Variants in NUP98 observed in about 807,000 individuals in gnomAD.
NUP98 encodes nuclear pore complex protein Nup98-Nup96.
Under a neutral mutation model 191.9 loss-of-function variants are expected in NUP98, and 26 were observed. The ratio of observed to expected loss-of-function variants is 0.14; its 90% confidence interval spans 0.10 to 0.19. The LOEUF (loss-of-function observed/expected upper bound fraction) is 0.19, where lower values mean the gene tolerates loss of function less well. Ranked by LOEUF, NUP98 falls within the 10% of genes least tolerant of loss-of-function variation. The pLI is 1.00. For synonymous variants in NUP98, 808 were observed against 778.4 expected, an observed-to-expected ratio of 1.04 and a Z score of -0.63; for missense variants, 1,941 against 2,178.8, an observed-to-expected ratio of 0.89 and a Z score of 2.17.
intron 1 of NUP98, among the ~76,000 whole-genome samples, chr11:3,784,716 T>G (rs1409089330): frequency 1.3e-5 from 2 of 152,098 alleles, no homozygotes; most frequent in African/African-American, 4.8e-5. Flanking sequence ...ATGGTGCCAC[T>G]GCACTCCAGC....
chr11:3,776,801 A>AC (rs1554903002), intron 4 of NUP98, among the ~76,000 whole-genome samples: 1 of 152,054 alleles, frequency 6.6e-6, no homozygotes, highest in East Asian at 1.9e-4. Context: ...CCAAATAGAA[A>AC]TTCATACAGA....
At chr11:3,708,081 A>G (rs944636604) in intron 20 of NUP98, among the ~76,000 whole-genome samples, 1 of 152,198 alleles carries the variant, frequency 6.6e-6, no homozygotes, top group Admixed American at 6.5e-5. Flanking sequence ...AGCCTGGGTG[A>G]GAGTTAAACT....
chr11:3,784,814 T>C (rs568372480), intron 1 of NUP98, among the ~76,000 whole-genome samples: 241 of 152,070 alleles, frequency 1.6e-3, no homozygotes, highest in African/African-American at 5.0e-3. Context: ...TACAGACATT[T>C]GCATTCAGAA....
At chr11:3,742,382 A>T (rs1422929941) in intron 12 of NUP98, among the ~76,000 whole-genome samples, 1 of 152,178 alleles carries the variant, frequency 6.6e-6, no homozygotes, top group African/African-American at 2.4e-5. Flanking sequence ...CAGGACAGAA[A>T]ATATTATCAA....
intron 8 of NUP98, among the ~76,000 whole-genome samples, chr11:3,766,741 G>T (rs996166991): frequency 3.4e-5 from 5 of 147,822 alleles, no homozygotes; most frequent in Non-Finnish European, 6.0e-5. Context: ...CCAACTTGTT[G>T]TTTTTCAAGA....
intron 25 of NUP98, among the ~76,000 whole-genome samples, chr11:3,697,914 T>C (rs1344285897): frequency 6.6e-6 from 1 of 150,862 alleles, no homozygotes; most frequent in South Asian, 2.1e-4. Flanking sequence ...CTTAAAGAAG[T>C]AAATATATGC....
At chr11:3,694,571 T>A (rs1805504853) in intron 26 of NUP98, among the ~76,000 whole-genome samples, 1 of 151,318 alleles carries the variant, frequency 6.6e-6, no homozygotes, top group Non-Finnish European at 1.5e-5. Context: ...AAACCCTGTC[T>A]CTACTTAAAA....
chr11:3,688,843 T>TATA (rs2078216309), intron 28 of NUP98, among the ~76,000 whole-genome samples: 1 of 109,786 alleles, frequency 9.1e-6, no homozygotes, highest in Non-Finnish European at 2.0e-5. Flanking sequence ...ATATATATAT[T>TATA]TATAAGAAAT....
At chr11:3,727,633 GGGGGGATTGCTT>G (rs2079671486) in intron 14 of NUP98, among the ~76,000 whole-genome samples, 1 of 152,124 alleles carries the variant, frequency 6.6e-6, no homozygotes, top group Non-Finnish European at 1.5e-5. Flanking sequence ...AGGCCAAGGT[GGGGGGATTGCTT>G]GAGCCCAGGA....
At chr11:3,762,402 G>A (rs1309836390) in intron 9 of NUP98, among the ~76,000 whole-genome samples, 4 of 151,870 alleles carry the variant, frequency 2.6e-5, no homozygotes, top group African/African-American at 9.7e-5. Flanking sequence ...GATTACAGGC[G>A]TGAGCCACCG....
At position 3,681,611 on chromosome 11, in the gene NUP98, A is replaced by AT. The variant is rs140225747; in HGVS notation, c.4918+1588dup. ...AATGAGCAGTAATATTTTGAAAGAA[A>AT]TTTTTTTTTTTTCTGAGCAGGTTTC... On this transcript the variant is annotated intron_variant, in intron 30 of 32. Coordinates refer to ENST00000324932, the MANE Select transcript of NUP98 (RefSeq NM_016320.5). Among the ~76,000 whole-genome samples the AT allele has an allele frequency of 1.1e-3, 159 of 149,124 alleles. 1 individual carries two copies. The highest frequency in any genetic ancestry group is 3.7e-3 in the African/African-American group (150 of 40,676).
chr11:3,771,578 A>T (rs939175867), intron 7 of NUP98, among the ~76,000 whole-genome samples, 170 bp downstream of exon 7: 1 of 152,194 alleles, frequency 6.6e-6, no homozygotes, highest in African/African-American at 2.4e-5. Flanking sequence ...TCTTCATCTT[A>T]AACTGTCTTT....
chr11:3,778,055 C>T (rs1489610341), intron 4 of NUP98, among the ~76,000 whole-genome samples: 1 of 151,498 alleles, frequency 6.6e-6, no homozygotes, highest in East Asian at 1.9e-4. Flanking sequence ...AAAAATTAGC[C>T]GGGCATGGTG....
At chr11:3,782,543 G>A (rs1177050221) in intron 1 of NUP98, among the ~76,000 whole-genome samples, 1 of 147,292 alleles carries the variant, frequency 6.8e-6, no homozygotes, top group Non-Finnish European at 1.5e-5. Context: ...AACACAGTCT[G>A]CTAACCCAAC....
chr11:3,695,347 A>G, intron 26 of NUP98, 102 bp downstream of exon 26: 1 of 1,060,942 alleles, frequency 9.4e-7, no homozygotes, highest in Non-Finnish European at 1.3e-6. Flanking sequence ...CATTTTGTGT[A>G]ACTGTGCACA....
chr11:3,787,183 T>C (rs2133970056), intron 1 of NUP98, among the ~76,000 whole-genome samples: 1 of 152,308 alleles, frequency 6.6e-6, no homozygotes, highest in East Asian at 1.9e-4. Flanking sequence ...TAGCCTAGTG[T>C]AACCTAATAA....
At position 3,720,831 on chromosome 11, in the gene NUP98, A is replaced by AT; in HGVS notation, c.2147-7_2147-6insA. The AT allele has an allele frequency of 1.2e-6, 1 of 819,510 alleles. No individual in the cohort carries two copies. 50.8% of individuals were successfully genotyped at this position (819,510 alleles called of 1,614,324 possible). On this transcript the variant is annotated splice_polypyrimidine_tract_variant and splice_region_variant and intron_variant, in intron 16 of 32. Coordinates refer to ENST00000324932, the MANE Select transcript of NUP98 (RefSeq NM_016320.5). ...AACCTTAGTGAGAATAATACCTGTG[A>AT]CAAAAAAAAAAAAAAAAACAGAAAA...
intron 10 of NUP98, among the ~76,000 whole-genome samples, chr11:3,758,303 A>G (rs1022215737): frequency 2.6e-5 from 4 of 151,442 alleles, no homozygotes; most frequent in Admixed American, 2.6e-4. Context: ...CCTGGGAGAC[A>G]GAGCGAGACT....
chr11:3,685,860 C>G, intron 29 of NUP98, 113 bp downstream of exon 29: 1 of 792,290 alleles, frequency 1.3e-6, no homozygotes, highest in Middle Eastern at 3.6e-4. Flanking sequence ...AACGCTGGAT[C>G]TAACACACAT....
Sources: gnomAD v4.1 joint callset for allele counts (sites outside exome capture counted in the v4.1 genomes callset) on GRCh38, gnomAD v4.1.1 for gene constraint, MANE v1.5 for transcripts, NCBI Gene and HGNC (gene_info 2026-07-23, HGNC 2026-07-21) for gene names.